The following KRT79 variants were observed in gnomAD, a reference collection of about 807,000 sequenced individuals.
KRT79 encodes keratin, type II cytoskeletal 79.
In KRT79, 51 loss-of-function variants were observed where a neutral mutation model predicts 49.0. The observed-to-expected ratio is 1.04, with a 90% CI of 0.83 to 1.31. The LOEUF is 1.31. Among genes scored for constraint, KRT79 ranks in the 40% most tolerant of loss-of-function variants. The pLI, the probability that KRT79 is intolerant of heterozygous loss-of-function variation, is 0.00. For missense variants in KRT79, 728 were observed against 688.0 expected (o/e 1.06, Z -0.65); for synonymous variants, 312 against 286.6 (o/e 1.09, Z -0.90).
rs770270366 is a variant in KRT79 at position 52,823,008 on chromosome 12, G to A, written c.1367+8C>T. 7 of 1,613,492 alleles carry A rather than the reference G, an allele frequency of 4.3e-6. No homozygotes were observed. The highest frequency in any genetic ancestry group is 5.9e-6 in the Non-Finnish European group (7 of 1,179,888). On this transcript the variant is annotated splice_region_variant and intron_variant, in intron 7 of 8. Transcript: ENST00000330553. Reference sequence around the variant, plus strand: ...CAGCTTTCTGGGTCGGGCAGGAGGGGCCACCACCTGCTCTCCTCGCTCTCC... The same window carrying A: ...CAGCTTTCTGGGTCGGGCAGGAGGGACCACCACCTGCTCTCCTCGCTCTCC...
At chr12:52,824,457 A>G in intron 4 of KRT79, 95 bp from the exon 5 acceptor site, 1 of 1,282,232 alleles carries the variant, frequency 7.8e-7, no homozygotes, top group South Asian at 1.4e-5. Flanking sequence ...TAGCATCAGG[A>G]GGCCTGTGCT....
intron 4 of KRT79, among the ~76,000 whole-genome samples, chr12:52,826,126 T>C (rs186658873): frequency 6.6e-6 from 1 of 151,422 alleles, no homozygotes; most frequent in African/African-American, 2.4e-5. Context: ...TCTAGCCCCA[T>C]GTCAGAGCAT....
Position 52,829,886 on chromosome 12 carries a change from G to A in KRT79, c.855+137C>T, listed in dbSNP as rs372035374. 8.7e-5 allele frequency: 63 copies of A among 725,540 alleles called. 1 individual carries two copies. The highest frequency in any genetic ancestry group is 3.1e-4 in the Middle Eastern group (1 of 3,182). 44.9% of individuals were successfully genotyped at this position (725,540 alleles called of 1,614,324 possible). A position where few individuals can be genotyped will look rare whatever the true frequency, so the allele number is the denominator to read the frequency against. On this transcript the variant is annotated intron_variant, in intron 4 of 8. Transcript: ENST00000330553. ...AGCCTGGGTAACACAGCGAAACTCC[G>A]TCTCAAAAAAAAAAGTGTTAAGGTT...
rs1428822744 is a variant in KRT79, at chr12:52,823,156, C to G, written c.1227G>C (p.Gly409=). 6.2e-7 allele frequency: 1 copy of G among 1,614,216 alleles called. No homozygotes were observed. The highest frequency in any genetic ancestry group is 1.7e-5 in the Admixed American group (1 of 60,024). ...CCTGGTGCAGGGCCACATCCAGATC[C>G]CCAAGCTTCTTCTGAGCATCCTTGA... ...LALKDAQKKL[G]DLDVALHQAK... Residue 409 remains glycine, a synonymous_variant, in exon 7 of 9, where the codon GGG becomes GGC. Coordinates refer to ENST00000330553, the MANE Select transcript of KRT79 (RefSeq NM_175834.3).
chr12:52,832,911 C>T (rs983444120), intron 1 of KRT79, among the ~76,000 whole-genome samples: 4 of 152,152 alleles, frequency 2.6e-5, no homozygotes, highest in African/African-American at 7.2e-5. Context: ...TTCATAGAAG[C>T]ACTGTGGGTA....
chr12:52,830,438 G>A, intron 2 of KRT79, 146 bp from the exon 3 acceptor site: 1 of 643,462 alleles, frequency 1.6e-6, no homozygotes, highest in South Asian at 1.8e-5. Flanking sequence ...GCCAACCAGT[G>A]AAGAAACATG....
Position 52,833,986 on chromosome 12 carries a change from C to T in KRT79, c.275G>A (p.Ser92Asn). The change falls in exon 1 of 9, where the codon AGC (serine) becomes AAC (asparagine). Residue 92 changes from serine (S) to asparagine (N), a missense_variant. Ser to Asn is a conservative substitution (Grantham distance 46). Coordinates refer to ENST00000330553, the MANE Select transcript of KRT79 (RefSeq NM_175834.3). ...GRALGGFGFG[S>N]RAFMGQGAGR... ...AGCCCCCTGTCCCATAAATGCCCTGCTGCCAAAGCCAAAGCCCCCCAGAGC... is the reference window on the plus strand; with the variant it reads ...AGCCCCCTGTCCCATAAATGCCCTGTTGCCAAAGCCAAAGCCCCCCAGAGC... The T allele has an allele frequency of 6.2e-7, 1 of 1,612,616 alleles. No individual in the cohort carries two copies. Among genetic ancestry groups the T allele is most frequent in the East Asian group, 2.2e-5 (1 of 44,836 alleles).
chr12:52,827,216 G>A (rs1302359143), intron 4 of KRT79, among the ~76,000 whole-genome samples: 1 of 115,356 alleles, frequency 8.7e-6, no homozygotes, highest in Admixed American at 9.5e-5. Context: ...AGCCCTCCCA[G>A]GAAGGGTCAG....
chr12:52,822,002 C>A lies in KRT79; in HGVS notation c.1478G>T (p.Ser493Ile), dbSNP rs940504087. ...SFGGGISLGG[S>I]GGATKGGFST... Reference sequence around the variant, plus strand: ...GAATCCACCCTTGGTGGCCCCCCCACTCCCACCCAGGGAGATGCCACCTCC... The same window carrying A: ...GAATCCACCCTTGGTGGCCCCCCCAATCCCACCCAGGGAGATGCCACCTCC... The change falls in exon 9 of 9, where the codon AGT becomes ATT. Residue 493 changes from serine (S) to isoleucine (I), a missense_variant. Ser to Ile is a moderately radical substitution (Grantham distance 142). Coordinates refer to ENST00000330553, the MANE Select transcript of KRT79 (RefSeq NM_175834.3). 6.2e-7 allele frequency: 1 copy of A among 1,614,218 alleles called. No homozygotes were observed. Among genetic ancestry groups the A allele is most frequent in the Non-Finnish European group, 8.5e-7 (1 of 1,180,048 alleles).
rs1439229118 is a variant in KRT79, at chr12:52,831,396, C to T, written c.698+10G>A. ...CTCCCACATGGCCCCGCCTGGCCTGCTCTCCTCACTTGTTCTTGAAGTCCT... is the reference window on the plus strand; with the variant it reads ...CTCCCACATGGCCCCGCCTGGCCTGTTCTCCTCACTTGTTCTTGAAGTCCT... On this transcript the variant is annotated intron_variant, in intron 2 of 8. Transcript: ENST00000330553. 5.6e-6 allele frequency: 9 copies of T among 1,613,408 alleles called. No individual in the cohort carries two copies. The highest frequency in any genetic ancestry group is 2.2e-5 in the East Asian group (1 of 44,892).
chr12:52,822,214 A>AC, intron 8 of KRT79, 131 bp downstream of exon 8: 1 of 1,261,220 alleles, frequency 7.9e-7, no homozygotes, highest in Non-Finnish European at 1.1e-6. Context: ...CAGAACTAGG[A>AC]CCCTCTGAAC....
chr12:52,833,918 G>A lies in KRT79; in HGVS notation c.343C>T (p.Gln115Ter), dbSNP rs1014386231. ...AGGCTCTGGTTGACAGTGACCTCCT[G>A]GATCCCCCCAGGAGGACAAGCAGGC... is the stretch of plus-strand genomic sequence containing the variant. ...FGPACPPGGI[Q>*]EVTVNQSLLT... is the part of the protein sequence containing the mutation. Residue 115 changes from glutamine (Q) to a stop codon, truncating the protein, a stop_gained, in exon 1 of 9, where the codon CAG (glutamine) becomes TAG (stop). Transcript: ENST00000330553. LOFTEE classifies it high-confidence loss of function. 1 of 1,613,718 alleles carries A rather than the reference G, an allele frequency of 6.2e-7. No homozygotes were observed. The highest frequency in any genetic ancestry group is 8.5e-7 in the Non-Finnish European group (1 of 1,179,780).
At chr12:52,831,148 T>A (rs1321860356) in intron 2 of KRT79, among the ~76,000 whole-genome samples, 1 of 152,166 alleles carries the variant, frequency 6.6e-6, no homozygotes, top group Admixed American at 6.5e-5. Flanking sequence ...TATGAGTTGA[T>A]AATGATTAAA....
intron 4 of KRT79, among the ~76,000 whole-genome samples, chr12:52,826,244 G>A (rs1565690823): frequency 1.3e-5 from 2 of 152,148 alleles, no homozygotes; most frequent in Non-Finnish European, 1.5e-5. Flanking sequence ...CTGGAACAAG[G>A]GGATAGAAAG....
At chr12:52,831,750 C>T (rs1250033105) in intron 1 of KRT79, 124 bp from the exon 2 acceptor site, 5 of 733,730 alleles carry the variant, frequency 6.8e-6, no homozygotes, top group Non-Finnish European at 1.1e-5. Flanking sequence ...GCCGCACCTA[C>T]ACTTTGCTGT....
At chr12:52,824,396 C>T (rs769464231) in intron 4 of KRT79, 34 bp from the exon 5 acceptor site, 2 of 1,605,526 alleles carry the variant, frequency 1.2e-6, no homozygotes, top group Admixed American at 3.3e-5. Flanking sequence ...ACCAGCACCC[C>T]TGCTCCAGGC....
chr12:52,829,063 T>G (rs1940213151), intron 4 of KRT79, among the ~76,000 whole-genome samples: 1 of 152,180 alleles, frequency 6.6e-6, no homozygotes, highest in South Asian at 2.1e-4. Context: ...ACAGGAAGTA[T>G]TTGAGTAGAG....
rs1253020830 is a variant in KRT79 at position 52,833,868 on chromosome 12, A to G, written c.393T>C (p.Ile131=). ...TGCGCACTCGCTGGATCTCGGGGTC[A>G]ATCTCCACATGGAGGGGGGTCAGCA... The part of the protein sequence containing the change: ...QSLLTPLHVE[I]DPEIQRVRTQ... Residue 131 remains isoleucine, a synonymous_variant, in exon 1 of 9, where the codon ATT becomes ATC. Transcript: ENST00000330553. 1.9e-6 allele frequency: 3 copies of G among 1,613,758 alleles called. No individual in the cohort carries two copies. In the South Asian group the frequency reaches 3.3e-5, roughly 18 times the overall value.
At chr12:52,825,486 C>T (rs1446360479) in intron 4 of KRT79, among the ~76,000 whole-genome samples, 1 of 152,146 alleles carries the variant, frequency 6.6e-6, no homozygotes, top group Non-Finnish European at 1.5e-5. Flanking sequence ...GATTAAGTAA[C>T]TTGGCCCAGA....
Sources: allele counts gnomAD v4.1 joint callset (sites outside exome capture counted in the v4.1 genomes callset), GRCh38; gene constraint gnomAD v4.1.1; transcripts MANE v1.5; gene names NCBI Gene and HGNC (gene_info 2026-07-23, HGNC 2026-07-21).